The following IL1RAPL1 variants were observed in gnomAD, a reference collection of about 807,000 sequenced individuals.
IL1RAPL1 encodes interleukin-1 receptor accessory protein-like 1.
In IL1RAPL1, 3 loss-of-function variants were observed where a neutral mutation model predicts 48.4. That is an observed-to-expected ratio of 0.06 (90% CI 0.03 to 0.16). The LOEUF is 0.16. IL1RAPL1 is among the 10% of genes least tolerant of loss of function. IL1RAPL1 has a pLI of 1.00. For missense variants in IL1RAPL1, 349 were observed against 530.6 expected, an observed-to-expected ratio of 0.66 and a Z score of 3.36; for synonymous variants, 185 against 187.7, an observed-to-expected ratio of 0.99 and a Z score of 0.12.
Position 28,642,070 on chromosome X carries a change from A to T in IL1RAPL1, c.-25+54023A>T, listed in dbSNP as rs1340209068. 4.5e-5 allele frequency among the ~76,000 whole-genome samples: 5 copies of T among 111,773 alleles called. No individual in the cohort carries two copies. In the Admixed American group the frequency reaches 4.8e-4, roughly 11 times the overall value. ...AAGATAAAAAAAGACAAAGAAGGGC[A>T]TTACATAATGGTAAAGAGATCAATG... On this transcript the variant is annotated intron_variant, in intron 1 of 10. Transcript: ENST00000378993.
intron 2 of IL1RAPL1, among the ~76,000 whole-genome samples, chrX:28,948,032 ATAAT>A (rs887764747): frequency 9.0e-6 from 1 of 111,127 alleles, no homozygotes; most frequent in African/African-American, 3.3e-5. Flanking sequence ...CAGGCACTAA[ATAAT>A]TAATAGCTTG....
intron 1 of IL1RAPL1, among the ~76,000 whole-genome samples, chrX:28,780,979 G>A (rs1601900724): frequency 2.7e-5 from 3 of 110,860 alleles, no homozygotes; most frequent in East Asian, 5.6e-4. Flanking sequence ...ATTGTTACTA[G>A]TCCTCTATAT....
chrX:28,681,466 A>G (rs1446151799), intron 1 of IL1RAPL1, among the ~76,000 whole-genome samples: 3 of 111,807 alleles, frequency 2.7e-5, no homozygotes, highest in Non-Finnish European at 5.6e-5. Context: ...GCAAACTTCT[A>G]GAACAAGAGA....
intron 6 of IL1RAPL1, among the ~76,000 whole-genome samples, chrX:29,698,418 G>T (rs749244574): frequency 1.3e-4 from 14 of 111,086 alleles, no homozygotes; most frequent in Admixed American, 3.8e-4. Flanking sequence ...CTGGTTATTC[G>T]CTGTCTTAGC....
At chrX:29,228,332 A>AATGTGTGTGT (rs777963523) in intron 2 of IL1RAPL1, among the ~76,000 whole-genome samples, 6,716 of 79,414 alleles carry the variant, frequency 0.085, 428 homozygotes, top group Non-Finnish European at 0.11. Flanking sequence ...AGTTTTGCCT[A>AATGTGTGTGT]GTGTGTGTGT....
intron 2 of IL1RAPL1, among the ~76,000 whole-genome samples, chrX:29,147,412 C>T (rs942903741): frequency 4.5e-5 from 5 of 111,549 alleles, no homozygotes; most frequent in Non-Finnish European, 9.4e-5. Flanking sequence ...ATATTGTACC[C>T]AGTTAAACTT....
Position 29,396,292 on chromosome X carries a change from C to T in IL1RAPL1, c.397C>T (p.Leu133=), listed in dbSNP as rs1017513669. 1 of 1,206,652 alleles carries T rather than the reference C, an allele frequency of 8.3e-7. No homozygotes were observed. The highest frequency in any genetic ancestry group is 1.1e-6 in the Non-Finnish European group (1 of 891,822). ...STYCMKVSIS[L]TVGENDTGLC... is the part of the protein sequence containing the mutation. ...TTACTGTATGAAAGTATCCATCTCA[C>T]TGACAGTGGGTGAAAATGACACTGG... The change falls in exon 4 of 11, where the codon CTG becomes TTG. Residue 133 remains leucine (L), a synonymous_variant. Transcript: ENST00000378993.
intron 1 of IL1RAPL1, among the ~76,000 whole-genome samples, chrX:28,758,484 T>C (rs1936129397): frequency 9.0e-6 from 1 of 111,523 alleles, no homozygotes; most frequent in Admixed American, 9.6e-5. Context: ...TACATGTAGT[T>C]GAATAGAGCT....
In IL1RAPL1 at chrX:29,705,901, A is replaced by G. The variant is rs376789980; in HGVS notation, c.778+37397A>G. Among the ~76,000 whole-genome samples the G allele has an allele frequency of 1.4e-4, 16 of 112,637 alleles. No homozygotes were observed. The East Asian group carries it at 4.2e-3, about 29-fold the overall frequency. On this transcript the variant is annotated intron_variant, in intron 6 of 10. Coordinates refer to ENST00000378993, the MANE Select transcript of IL1RAPL1 (RefSeq NM_014271.4). ...TGTATTTTTTAAAGCACTTTGTATT[A>G]GTCCATTTTCATGCTGCTGACAAAG...
rs769762892 is a variant in IL1RAPL1, at chrX:29,761,697, CCA to C, written c.778+93200_778+93201del. ...CCTCAGTCCACCCACCCAATCCCAC[CCA>C]CACACAGTCAAAAGTTAGTTCTTAT... On this transcript the variant is annotated intron_variant, in intron 6 of 10. Transcript: ENST00000378993. Among the ~76,000 whole-genome samples, 9 of 109,804 alleles carry C rather than the reference CCA, an allele frequency of 8.2e-5. No individual in the cohort carries two copies. In the East Asian group the frequency reaches 2.6e-3, roughly 31 times the overall value.
rs773134773 is a variant in IL1RAPL1, at chrX:28,935,718, G to A, written c.82+146293G>A. The stretch of plus-strand genomic sequence containing the variant: ...TGGACACTGGTTTATCTTCTGGAGG[G>A]TCAAGGAGAATAATTTATGAATTAA... On this transcript the variant is annotated intron_variant, in intron 2 of 10. Coordinates refer to ENST00000378993, the MANE Select transcript of IL1RAPL1 (RefSeq NM_014271.4). Among the ~76,000 whole-genome samples the A allele has an allele frequency of 2.7e-5, 3 of 111,906 alleles. No homozygotes were observed. The South Asian group carries it at 1.1e-3, about 41-fold the overall frequency.
intron 1 of IL1RAPL1, among the ~76,000 whole-genome samples, chrX:28,696,845 T>A (rs904572164): frequency 8.9e-6 from 1 of 111,782 alleles, no homozygotes; most frequent in African/African-American, 3.2e-5. Flanking sequence ...TTACCCTATT[T>A]GCCACAGGCA....
intron 6 of IL1RAPL1, among the ~76,000 whole-genome samples, chrX:29,915,021 C>G (rs183674142): frequency 2.2e-4 from 24 of 107,840 alleles, no homozygotes; most frequent in Non-Finnish European, 3.6e-4. Flanking sequence ...TCCGGCTGGA[C>G]GTGGTGGCTC....
intron 5 of IL1RAPL1, among the ~76,000 whole-genome samples, chrX:29,552,196 A>G (rs763433501): frequency 9.1e-6 from 1 of 110,426 alleles, no homozygotes; most frequent in South Asian, 3.9e-4. Context: ...ATATATAAAC[A>G]TTTTTACCCC....
At chrX:29,693,546 A>G (rs1168541813) in intron 6 of IL1RAPL1, among the ~76,000 whole-genome samples, 1 of 112,441 alleles carries the variant, frequency 8.9e-6, no homozygotes, top group Admixed American at 9.4e-5. Flanking sequence ...CTGACATTTT[A>G]TCAGACAACA....
rs764063849 is a variant in IL1RAPL1 at position 29,187,816 on chromosome X, T to G, written c.83-95122T>G. ...TCTTCTGCTTTAACTGTTATTTAGA[T>G]TCCACCATGCTGCCATAGGAGAGAC... On this transcript the variant is annotated intron_variant, in intron 2 of 10. Coordinates refer to ENST00000378993, the MANE Select transcript of IL1RAPL1 (RefSeq NM_014271.4). Among the ~76,000 whole-genome samples the G allele has an allele frequency of 4.5e-5, 5 of 111,595 alleles. No individual in the cohort carries two copies. The Admixed American group carries it at 4.8e-4, about 11-fold the overall frequency.
At chrX:29,887,432 G>C (rs1932188505) in intron 6 of IL1RAPL1, among the ~76,000 whole-genome samples, 1 of 111,525 alleles carries the variant, frequency 9.0e-6, no homozygotes. Flanking sequence ...GGGCCAATTT[G>C]GTCTCTTTAT....
At chrX:29,041,761 A>G (rs965095226) in intron 2 of IL1RAPL1, among the ~76,000 whole-genome samples, 5 of 112,173 alleles carry the variant, frequency 4.5e-5, no homozygotes, top group African/African-American at 1.3e-4. Context: ...CAAAAAGATG[A>G]CAGTTTTATG....
chrX:29,945,553 A>G (rs941853391), intron 9 of IL1RAPL1, among the ~76,000 whole-genome samples: 1 of 112,647 alleles, frequency 8.9e-6, no homozygotes, highest in Non-Finnish European at 1.9e-5. Flanking sequence ...ATATGATAAT[A>G]ATAGATTCAA....
Sources: gnomAD v4.1 joint callset for allele counts (sites outside exome capture counted in the v4.1 genomes callset) on GRCh38, gnomAD v4.1.1 for gene constraint, MANE v1.5 for transcripts, NCBI Gene and HGNC (gene_info 2026-07-23, HGNC 2026-07-21) for gene names.